The following ATP2B4 variants were observed in gnomAD, a reference collection of about 807,000 sequenced individuals.
ATP2B4 encodes ATPase plasma membrane Ca2+ transporting 4.
Under a neutral mutation model 110.3 loss-of-function variants are expected in ATP2B4, and 39 were observed. The observed-to-expected ratio is 0.35, with a 90% confidence interval of 0.27 to 0.46. The LOEUF (loss-of-function observed/expected upper bound fraction) is 0.46, where lower values mean the gene tolerates loss of function less well. ATP2B4 is among the 20% of genes least tolerant of loss of function. The pLI is 1.00. For synonymous variants in ATP2B4, 538 were observed against 571.7 expected, an observed-to-expected ratio of 0.94 and a Z score of 0.84; for missense variants, 1,135 against 1,530.9, an observed-to-expected ratio of 0.74 and a Z score of 4.32.
intron 6 of ATP2B4, 92 bp downstream of exon 6, chr1:203,701,015 G>GGTAGCCCCAAATGCCTTCC: frequency 5.5e-6 from 8 of 1,443,144 alleles, no homozygotes; most frequent in East Asian, 5.1e-5. Flanking sequence ...AAGCATGGTT[G>GGTAGCCCCAAATGCCTTCC]GAAGAATCTG....
At chr1:203,699,308 A>G (rs1407925160) in intron 3 of ATP2B4, 152 bp from the exon 4 acceptor site, 2 of 1,029,096 alleles carry the variant, frequency 1.9e-6, no homozygotes, top group African/African-American at 3.2e-5. Context: ...CAATCCTGCT[A>G]TCCTCTGATA....
chr1:203,734,283 G>A (rs1360164467), intron 20 of ATP2B4, among the ~76,000 whole-genome samples: 8 of 150,934 alleles, frequency 5.3e-5, no homozygotes, highest in Middle Eastern at 6.8e-3. Flanking sequence ...CACCCTGGGC[G>A]ATAGAGCAAG....
chr1:203,653,704 C>T (rs1664066089), intron 1 of ATP2B4, among the ~76,000 whole-genome samples: 1 of 150,674 alleles, frequency 6.6e-6, no homozygotes, highest in African/African-American at 2.4e-5. Flanking sequence ...TTACAGGCAC[C>T]CGCCACCACG....
intron 1 of ATP2B4, among the ~76,000 whole-genome samples, chr1:203,667,571 T>C (rs1324686271): frequency 1.3e-5 from 2 of 152,236 alleles, no homozygotes; most frequent in Non-Finnish European, 2.9e-5. Flanking sequence ...CCTCGATATG[T>C]TTGTCCTTCT....
chr1:203,637,643 C>A (rs1663497650), intron 1 of ATP2B4, among the ~76,000 whole-genome samples: 1 of 152,092 alleles, frequency 6.6e-6, no homozygotes, highest in South Asian at 2.1e-4. Context: ...GCCAGCTTAC[C>A]CTCCTTGCCA....
intron 1 of ATP2B4, among the ~76,000 whole-genome samples, chr1:203,675,863 G>A (rs1004010676): frequency 6.6e-6 from 1 of 152,116 alleles, no homozygotes; most frequent in East Asian, 1.9e-4. Flanking sequence ...CTGGGAAAGG[G>A]GGCTGTCCTG....
intron 19 of ATP2B4, among the ~76,000 whole-genome samples, chr1:203,726,551 G>A (rs1045110336): frequency 1.3e-5 from 2 of 151,932 alleles, no homozygotes; most frequent in Admixed American, 6.6e-5. Flanking sequence ...TGGCCTTGCT[G>A]CCAGACAGCA....
chr1:203,668,358 T>G (rs1447579774), intron 1 of ATP2B4, among the ~76,000 whole-genome samples: 2 of 152,184 alleles, frequency 1.3e-5, no homozygotes, highest in Non-Finnish European at 2.9e-5. Flanking sequence ...TATGCTAGAT[T>G]GGGAGCTTGG....
chr1:203,730,926 A>G (rs1195100169), intron 20 of ATP2B4, among the ~76,000 whole-genome samples: 1 of 152,178 alleles, frequency 6.6e-6, no homozygotes, highest in African/African-American at 2.4e-5. Context: ...TCCGCTCCCA[A>G]CATCAGCCCT....
At chr1:203,704,281 A>T (rs556482010) in intron 8 of ATP2B4, among the ~76,000 whole-genome samples, 4 of 152,262 alleles carry the variant, frequency 2.6e-5, no homozygotes, top group African/African-American at 7.2e-5. Context: ...GGCTGTGGTT[A>T]CAGAGGCTCT....
intron 1 of ATP2B4, among the ~76,000 whole-genome samples, chr1:203,659,238 T>C (rs1162354174): frequency 6.6e-6 from 1 of 152,124 alleles, no homozygotes; most frequent in Admixed American, 6.6e-5. Flanking sequence ...AAAAAAAATT[T>C]ATGGTTGTGA....
At chr1:203,638,753 C>T (rs528221155) in intron 1 of ATP2B4, among the ~76,000 whole-genome samples, 48 of 152,302 alleles carry the variant, frequency 3.2e-4, no homozygotes, top group Non-Finnish European at 5.9e-4. Flanking sequence ...AGAACTATCC[C>T]CGTCCCTCCA....
intron 1 of ATP2B4, among the ~76,000 whole-genome samples, chr1:203,672,165 T>C (rs1664684100): frequency 6.6e-6 from 1 of 152,140 alleles, no homozygotes; most frequent in Non-Finnish European, 1.5e-5. Flanking sequence ...GGGCTTTGGT[T>C]CCTAAGTGAT....
intron 1 of ATP2B4, among the ~76,000 whole-genome samples, chr1:203,650,860 G>A (rs186823597): frequency 6.6e-6 from 1 of 152,284 alleles, no homozygotes; most frequent in African/African-American, 2.4e-5. Flanking sequence ...CCACCAAAAG[G>A]CCAGAATTTT....
chr1:203,674,861 T>G (rs1664783992), intron 1 of ATP2B4, among the ~76,000 whole-genome samples: 1 of 151,994 alleles, frequency 6.6e-6, no homozygotes, highest in Admixed American at 6.6e-5. Flanking sequence ...TTTCACCATG[T>G]TAGCCAGGAT....
At chr1:203,724,103 C>A in intron 19 of ATP2B4, 115 bp downstream of exon 19, 1 of 791,252 alleles carries the variant, frequency 1.3e-6, no homozygotes, top group South Asian at 2.1e-5. Context: ...TTCATCTTCT[C>A]CTCTTCCCTC....
intron 15 of ATP2B4, among the ~76,000 whole-genome samples, chr1:203,714,562 ACT>A (rs1666105320): frequency 6.6e-6 from 1 of 152,126 alleles, no homozygotes. Flanking sequence ...AACTAGGCAA[ACT>A]CTAGAAGATT....
At chr1:203,720,873 T>G in intron 16 of ATP2B4, 133 bp downstream of exon 16, 3 of 1,116,874 alleles carry the variant, frequency 2.7e-6, no homozygotes, top group Non-Finnish European at 3.7e-6. Context: ...GAGTTAGCTC[T>G]TCTAAGTCTG....
In ATP2B4 at chr1:203,722,611, T is replaced by C. The variant is rs1231781671; in HGVS notation, c.2946T>C (p.His982=). 6.2e-7 allele frequency: 1 copy of C among 1,614,186 alleles called. No homozygotes were observed. Among genetic ancestry groups the C allele is most frequent in the Non-Finnish European group, 8.5e-7 (1 of 1,180,018 alleles). ...ATGAAATCAACTCCCGAAAGATCCA[T>C]GGAGAGAAGAACGTCTTTTCAGGCA... ...LFNEINSRKI[H]GEKNVFSGIY... Residue 982 remains histidine, a synonymous_variant, in exon 18 of 21, where the codon CAT becomes CAC. Transcript: ENST00000357681.
Sources: gnomAD v4.1 joint callset for allele counts (sites outside exome capture counted in the v4.1 genomes callset) on GRCh38, gnomAD v4.1.1 for gene constraint, MANE v1.5 for transcripts, NCBI Gene and HGNC (gene_info 2026-07-23, HGNC 2026-07-21) for gene names.